Variants in MMP13 observed in about 807,000 individuals in gnomAD.
MMP13 encodes the protein matrix metallopeptidase 13.
A neutral mutation model predicts 52.1 loss-of-function variants in MMP13; 45 were observed. That is an observed-to-expected ratio of 0.86 (90% confidence interval 0.68 to 1.11). The LOEUF (loss-of-function observed/expected upper bound fraction) is 1.11. Among genes scored for constraint, MMP13 ranks in the 50% least tolerant of loss-of-function variants. MMP13 has a pLI of 0.00. For missense variants in MMP13, 576 were observed against 583.8 expected (o/e 0.99, Z 0.14); for synonymous variants, 200 against 204.4 (o/e 0.98, Z 0.18).
chr11:102,950,995 G>A (rs17860548), intron 5 of MMP13, among the ~76,000 whole-genome samples: 2 of 152,190 alleles, frequency 1.3e-5, no homozygotes, highest in African/African-American at 4.8e-5. Context: ...AAAAGAATGG[G>A]TTGGATGCTA....
Position 102,944,224 on chromosome 11 carries a change from A to C in MMP13, c.*42T>G. 1 of 1,476,744 alleles carries C rather than the reference A, an allele frequency of 6.8e-7. No homozygotes were observed. The highest frequency in any genetic ancestry group is 9.5e-7 in the Non-Finnish European group (1 of 1,056,552). 91.5% of individuals were successfully genotyped at this position (1,476,744 alleles called of 1,614,324 possible). A position where few individuals can be genotyped will look rare whatever the true frequency, so the allele number is the denominator to read the frequency against. On this transcript the variant is annotated 3_prime_UTR_variant, in exon 10 of 10. Coordinates refer to ENST00000260302, the MANE Select transcript of MMP13 (RefSeq NM_002427.4). ...CCCGCACTTCTGGAAGTATTACCCC[A>C]AATGCTCTTCAGGATTTAAATAACA... is the stretch of plus-strand genomic sequence containing the variant.
At chr11:102,948,773 G>GA (rs1289734691) in intron 7 of MMP13, among the ~76,000 whole-genome samples, 2 of 152,066 alleles carry the variant, frequency 1.3e-5, no homozygotes, top group Admixed American at 6.6e-5. Context: ...AGAACTAAGA[G>GA]AAAAAACTGA....
At chr11:102,953,819 A>G (rs574832727) in intron 4 of MMP13, among the ~76,000 whole-genome samples, 1 of 152,332 alleles carries the variant, frequency 6.6e-6, no homozygotes, top group East Asian at 1.9e-4. Flanking sequence ...TTAGTTAGAT[A>G]TTTCTAATAA....
At position 102,950,484 on chromosome 11, in the gene MMP13, G is replaced by C. The variant is rs1860593911; in HGVS notation, c.800-257C>G. On this transcript the variant is annotated intron_variant, in intron 5 of 9. Coordinates refer to ENST00000260302, the MANE Select transcript of MMP13 (RefSeq NM_002427.4). ...GGTTTCTTGAGGTTGATGATAAAAA[G>C]GAGGGAAAAAAGCAACAGAATTTGA... Among the ~76,000 whole-genome samples, 3 of 151,882 alleles carry C rather than the reference G, an allele frequency of 2.0e-5. No individual in the cohort carries two copies. The South Asian group carries it at 6.3e-4, about 32-fold the overall frequency.
chr11:102,947,812 A>G, intron 8 of MMP13, 79 bp downstream of exon 8: 1 of 1,456,562 alleles, frequency 6.9e-7, no homozygotes, highest in Non-Finnish European at 9.6e-7. Context: ...AGTGTGTAGG[A>G]ATAATGTATA....
chr11:102,950,151 G>A lies in MMP13; in HGVS notation c.876C>T (p.Ala292=). Residue 292 remains alanine, a synonymous_variant, in exon 6 of 10, where the codon GCC becomes GCT. Coordinates refer to ENST00000260302, the MANE Select transcript of MMP13 (RefSeq NM_002427.4). ...DKCDPSLSLD[A]ITSLRGETMI... The stretch of plus-strand genomic sequence containing the variant: ...TTGTTTCTCCTCGGAGACTGGTAAT[G>A]GCATCAAGGGATAAGGAAGGGTCAC... 6.2e-7 allele frequency: 1 copy of A among 1,613,710 alleles called. No homozygotes were observed. Among genetic ancestry groups the A allele is most frequent in the Non-Finnish European group, 8.5e-7 (1 of 1,179,700 alleles).
intron 8 of MMP13, 74 bp downstream of exon 8, chr11:102,947,817 T>C (rs1264521112): frequency 6.8e-6 from 10 of 1,470,264 alleles, no homozygotes; most frequent in Non-Finnish European, 9.5e-6. Context: ...GTAGGAATAA[T>C]GTATAGTAGT....
Position 102,952,082 on chromosome 11 carries a change from GATAGGAAAC to G in MMP13, c.720_728del (p.Met240_Pro242del). The G allele has an allele frequency of 6.2e-7, 1 of 1,613,464 alleles. No homozygotes were observed. The highest frequency in any genetic ancestry group is 8.5e-7 in the Non-Finnish European group (1 of 1,179,518). ...AGTGGCTTTTGCCGGTGTAGGTGTA[GATAGGAAAC>G]ATGAGTGCTCCAGGGTCCTTGGAGT... On this transcript the variant is annotated inframe_deletion, in exon 5 of 10. Coordinates refer to ENST00000260302, the MANE Select transcript of MMP13 (RefSeq NM_002427.4). This position sits in a 1 kb window ranked among gnomAD's most constrained non-coding sequence, Gnocchi z 4.3.
chr11:102,950,601 T>G (rs1000439859), intron 5 of MMP13, among the ~76,000 whole-genome samples: 9 of 152,176 alleles, frequency 5.9e-5, no homozygotes, highest in Non-Finnish European at 1.0e-4. Context: ...GTATTTTTCC[T>G]GCAAAAGCCC....
chr11:102,955,471 T>C lies in MMP13; in HGVS notation c.143A>G (p.His48Arg), dbSNP rs1860682628. ...FAERYLRSYY[H>R]PTNLAGILKE... ...CAGGATTCCCGCGAGATTTGTAGGA[T>C]GGTAGTATGATCTCAGGTAGCGCTA... The change falls in exon 2 of 10, where the codon CAT becomes CGT. Residue 48 changes from histidine to arginine, a missense_variant. His to Arg is a conservative substitution (Grantham distance 29, BLOSUM62 0). Transcript: ENST00000260302. This position sits in a 1 kb window ranked among gnomAD's most constrained non-coding sequence, Gnocchi z 4.9. 4 of 1,613,946 alleles carry C rather than the reference T, an allele frequency of 2.5e-6. No individual in the cohort carries two copies. The highest frequency in any genetic ancestry group is 3.3e-5 in the Admixed American group (2 of 59,998).
At position 102,947,667 on chromosome 11, in the gene MMP13, T is replaced by TTGTGTGTGTGTG. The variant is rs71066125; in HGVS notation, c.1211+212_1211+223dup. Among the ~76,000 whole-genome samples, 796 of 144,896 alleles carry TTGTGTGTGTGTG rather than the reference T, an allele frequency of 5.5e-3. 7 individuals carry two copies. Among genetic ancestry groups the TTGTGTGTGTGTG allele is most frequent in the East Asian group, 0.012 (57 of 4,838 alleles). ...GTTTGAGAAGAGGAATGTTTGAGTA[T>TTGTGTGTGTGTG]TGTGTGTGTGTGTGTGTGTGTGTGT... is the stretch of plus-strand genomic sequence containing the variant. On this transcript the variant is annotated intron_variant, in intron 8 of 9. Transcript: ENST00000260302.
In MMP13 at chr11:102,945,586, A is replaced by G. The variant is rs574149475; in HGVS notation, c.1315+60T>C. ...CCTATATAAAAATGCTTTGTACAGA[A>G]AAGAGTTTTGAGGGGCTACAGAAGC... is the stretch of plus-strand genomic sequence containing the variant. On this transcript the variant is annotated intron_variant, in intron 9 of 9. Coordinates refer to ENST00000260302, the MANE Select transcript of MMP13 (RefSeq NM_002427.4). 4.1e-5 allele frequency: 43 copies of G among 1,042,924 alleles called. No homozygotes were observed. The African/African-American group carries it at 6.7e-4, about 16-fold the overall frequency. 64.6% of individuals were successfully genotyped at this position (1,042,924 alleles called of 1,614,324 possible).
chr11:102,955,569 T>C lies in MMP13; in HGVS notation c.120+17A>G. On this transcript the variant is annotated intron_variant, in intron 1 of 9. Transcript: ENST00000260302. The surrounding 1 kb of genome is among the most constrained non-coding windows in gnomAD (Gnocchi z 4.9). ...AGATGTACCAACCGCATCATCAGGA[T>C]TGGCAAGATACTCTACCTCTGCAAA... 1 of 1,613,894 alleles carries C rather than the reference T, an allele frequency of 6.2e-7. No homozygotes were observed. Among genetic ancestry groups the C allele is most frequent in the Non-Finnish European group, 8.5e-7 (1 of 1,179,870 alleles).
rs1393942846 is a variant in MMP13 at position 102,952,013 on chromosome 11, AT to A, written c.797del (p.Tyr266LeufsTer36). 1 of 1,612,954 alleles carries A rather than the reference AT, an allele frequency of 6.2e-7. No homozygotes were observed. The highest frequency in any genetic ancestry group is 1.3e-5 in the African/African-American group (1 of 74,868). ...DDDVQGIQSLYGPGDEDPNPK... is the reference protein window; with the variant it reads ...DDDVQGIQSLXGPGDEDPNPK... ...ATTCTATTTCTATAACCGAGTTACC[AT>A]AGAGAGACTGGATCCCTTGTACATC... On this transcript the variant is annotated frameshift_variant and splice_region_variant, in exon 5 of 10. Coordinates refer to ENST00000260302, the MANE Select transcript of MMP13 (RefSeq NM_002427.4). LOFTEE classifies it high-confidence loss of function. This position sits in a 1 kb window ranked among gnomAD's most constrained non-coding sequence, Gnocchi z 4.3.
chr11:102,952,280 TTTC>T lies in MMP13; in HGVS notation c.638-110_638-108del. ...GTATGTTTCTTTCTTGGCTATATAC[TTTC>T]TTTTCTCTTTCTTCAGTCTCCTACT... On this transcript the variant is annotated intron_variant, in intron 4 of 9. Coordinates refer to ENST00000260302, the MANE Select transcript of MMP13 (RefSeq NM_002427.4). The surrounding 1 kb of genome is among the most constrained non-coding windows in gnomAD (Gnocchi z 4.3). The T allele has an allele frequency of 1.6e-6, 2 of 1,284,524 alleles. No homozygotes were observed. The highest frequency in any genetic ancestry group is 2.2e-6 in the Non-Finnish European group (2 of 903,094). 79.6% of individuals were successfully genotyped at this position (1,284,524 alleles called of 1,614,324 possible). A position where few individuals can be genotyped will look rare whatever the true frequency, so the allele number is the denominator to read the frequency against.
At position 102,955,694 on chromosome 11, in the gene MMP13, C is replaced by G; in HGVS notation, c.12G>C (p.Gly4=). The change falls in exon 1 of 10, where the codon GGG becomes GGC. Residue 4 remains glycine, a synonymous_variant. Transcript: ENST00000260302. The surrounding 1 kb of genome is among the most constrained non-coding windows in gnomAD (Gnocchi z 4.9). MHP[G]VLAAFLFLSW... is the part of the protein sequence containing the mutation. ...TCAAGAAGAGGAAGGCAGCCAGGAC[C>G]CCTGGATGCATCTTGAATGGTGATG... 6 of 1,613,870 alleles carry G rather than the reference C, an allele frequency of 3.7e-6. No individual in the cohort carries two copies. The highest frequency in any genetic ancestry group is 4.2e-6 in the Non-Finnish European group (5 of 1,179,866).
intron 5 of MMP13, among the ~76,000 whole-genome samples, chr11:102,951,546 C>G (rs1384060306): frequency 1.3e-5 from 2 of 152,002 alleles, no homozygotes; most frequent in Non-Finnish European, 2.9e-5. Flanking sequence ...GTATGTTTTC[C>G]TAGGTTTTAA....
chr11:102,951,665 T>C (rs956995031), intron 5 of MMP13, among the ~76,000 whole-genome samples: 10 of 152,140 alleles, frequency 6.6e-5, no homozygotes, highest in Admixed American at 2.6e-4. Context: ...GGAGATTTTG[T>C]CATTGGGTGA....
rs1323791842 is a variant in MMP13 at position 102,955,519 on chromosome 11, C to T, written c.121-26G>A. ...CTAGAAAAGACACCAAAATGAACTG[C>T]GTTTAAAAGAGAAGGACATTTCTGA... On this transcript the variant is annotated intron_variant, in intron 1 of 9. Transcript: ENST00000260302. This position sits in a 1 kb window ranked among gnomAD's most constrained non-coding sequence, Gnocchi z 4.9. 1.9e-6 allele frequency: 3 copies of T among 1,613,928 alleles called. No individual in the cohort carries two copies. The highest frequency in any genetic ancestry group is 1.7e-6 in the Non-Finnish European group (2 of 1,179,888).
Sources: allele counts gnomAD v4.1 joint callset (sites outside exome capture counted in the v4.1 genomes callset), GRCh38; gene constraint gnomAD v4.1.1; non-coding constraint Gnocchi (gnomAD v3.1); transcripts MANE v1.5; gene names NCBI Gene and HGNC (gene_info 2026-07-23, HGNC 2026-07-21).